The following DOCK2 variants were observed in gnomAD, a reference collection of about 807,000 sequenced individuals.
The protein encoded by DOCK2 is dedicator of cytokinesis protein 2.
In DOCK2, 87 loss-of-function variants were observed where a neutral mutation model predicts 248.9. That is an observed-to-expected ratio of 0.35 (90% CI 0.29 to 0.42). DOCK2 has a LOEUF of 0.42. Ranked by LOEUF, DOCK2 falls within the 10% of genes least tolerant of loss-of-function variation. The pLI is 1.00. For synonymous variants in DOCK2, 805 were observed against 821.6 expected, an observed-to-expected ratio of 0.98 and a Z score of 0.35; for missense variants, 1,747 against 2,300.2, an observed-to-expected ratio of 0.76 and a Z score of 4.92.
At position 169,960,843 on chromosome 5, in the gene DOCK2, T is replaced by C. The variant is rs2113744286; in HGVS notation, c.2800-22225T>C. Among the ~76,000 whole-genome samples, 3 of 152,356 alleles carry C rather than the reference T, an allele frequency of 2.0e-5. 1 individual carries two copies. In the South Asian group the frequency reaches 6.2e-4, roughly 32 times the overall value. On this transcript the variant is annotated intron_variant, in intron 27 of 51. Transcript: ENST00000520908. ...GTGATGAAATCCTACTCTCTTTGCCTAGGATGTGAATCATCCCTTTGTCCA... is the reference window on the plus strand; with the variant it reads ...GTGATGAAATCCTACTCTCTTTGCCCAGGATGTGAATCATCCCTTTGTCCA...
intron 29 of DOCK2, among the ~76,000 whole-genome samples, chr5:169,992,715 G>A (rs1295085338): frequency 1.3e-5 from 2 of 151,970 alleles, no homozygotes; most frequent in African/African-American, 4.8e-5. Context: ...CACCCATCTC[G>A]GCCTCCCAAA....
chr5:170,079,061 A>G lies in DOCK2; in HGVS notation c.5081A>G (p.Lys1694Arg). The G allele has an allele frequency of 6.2e-7, 1 of 1,614,180 alleles. No homozygotes were observed. Among genetic ancestry groups the G allele is most frequent in the South Asian group, 1.1e-5 (1 of 91,082 alleles). ...CCGGGGAGCACCCTGCCTGAGGTCA[A>G]GCTGCGGAGGTCCAAGAAGAGGACA... ...ISPGSTLPEV[K>R]LRRSKKRTKR... The change falls in exon 49 of 52, where the codon AAG (lysine) becomes AGG (arginine). Residue 1694 changes from lysine (K) to arginine (R), a missense_variant. By Grantham distance (26) the Lys-to-Arg change is conservative. Coordinates refer to ENST00000520908, the MANE Select transcript of DOCK2 (RefSeq NM_004946.3).
rs1427635396 is a variant in DOCK2 at position 170,009,175 on chromosome 5, T to G, written c.3232+429T>G. 1.4e-4 allele frequency among the ~76,000 whole-genome samples: 21 copies of G among 152,022 alleles called. 1 individual carries two copies. The highest frequency in any genetic ancestry group is 1.0e-3 in the Admixed American group (16 of 15,264). On this transcript the variant is annotated intron_variant, in intron 32 of 51. Transcript: ENST00000520908. ...GCTCTCTGAAAGATGAGAGGGTCTT[T>G]TTAGCTGAAAAGTGACCCCAGAAGC...
At chr5:169,701,691 A>AT (rs1297053543) in intron 13 of DOCK2, among the ~76,000 whole-genome samples, 2 of 151,630 alleles carry the variant, frequency 1.3e-5, no homozygotes, top group Non-Finnish European at 2.9e-5. Flanking sequence ...ATTTTTTTGT[A>AT]TTTTTTGATA....
chr5:169,842,198 C>T (rs1192475444), intron 27 of DOCK2, among the ~76,000 whole-genome samples: 4 of 152,162 alleles, frequency 2.6e-5, no homozygotes, highest in Non-Finnish European at 5.9e-5. Flanking sequence ...CTTCAGAAAG[C>T]CACCCTGACA....
At chr5:170,025,831 C>CCTTCCTTT (rs1755892995) in intron 33 of DOCK2, among the ~76,000 whole-genome samples, 1 of 121,272 alleles carries the variant, frequency 8.2e-6, no homozygotes, top group Non-Finnish European at 1.7e-5. Flanking sequence ...TTCCTTCCTT[C>CCTTCCTTT]CTTCCTTCCT....
intron 43 of DOCK2, 65 bp downstream of exon 43, chr5:170,056,833 G>A: frequency 2.8e-6 from 4 of 1,449,356 alleles, no homozygotes; most frequent in Non-Finnish European, 3.8e-6. Flanking sequence ...GCATGCATCG[G>A]CCAGCCTCAG....
intron 6 of DOCK2, among the ~76,000 whole-genome samples, chr5:169,675,531 G>A (rs922200638): frequency 6.6e-6 from 1 of 152,186 alleles, no homozygotes; most frequent in Non-Finnish European, 1.5e-5. Context: ...CGATAGCTCA[G>A]GAAGCAAGAG....
intron 34 of DOCK2, among the ~76,000 whole-genome samples, chr5:170,033,484 A>G (rs141693327): frequency 1.6e-4 from 25 of 152,358 alleles, no homozygotes; most frequent in African/African-American, 5.8e-4. Flanking sequence ...TTTGGTGTCT[A>G]TCCTTGCTGA....
intron 23 of DOCK2, among the ~76,000 whole-genome samples, chr5:169,748,242 C>T (rs1361434249): frequency 6.6e-6 from 1 of 151,806 alleles, no homozygotes; most frequent in Non-Finnish European, 1.5e-5. Context: ...TGCCCAGGCA[C>T]TGGTTAGAAT....
intron 27 of DOCK2, among the ~76,000 whole-genome samples, chr5:169,908,738 C>A (rs1383529588): frequency 5.4e-5 from 7 of 130,400 alleles, no homozygotes; most frequent in Non-Finnish European, 1.1e-4. Flanking sequence ...TTTTTGAGAC[C>A]GAGTCTCACT....
intron 27 of DOCK2, among the ~76,000 whole-genome samples, chr5:169,888,502 G>A (rs911345945): frequency 6.6e-6 from 1 of 152,176 alleles, no homozygotes; most frequent in Admixed American, 6.5e-5. Flanking sequence ...TGGTCCTCAT[G>A]GAATCAGTGT....
chr5:170,062,473 G>A (rs988130442), intron 44 of DOCK2, among the ~76,000 whole-genome samples: 1 of 152,066 alleles, frequency 6.6e-6, no homozygotes, highest in Non-Finnish European at 1.5e-5. Flanking sequence ...GCACACTCAG[G>A]CATGCACCCT....
intron 28 of DOCK2, among the ~76,000 whole-genome samples, chr5:169,984,447 C>T (rs1018746438): frequency 6.6e-6 from 1 of 152,178 alleles, no homozygotes; most frequent in Non-Finnish European, 1.5e-5. Context: ...TGCACTTAAT[C>T]GTCACAGTCA....
intron 33 of DOCK2, among the ~76,000 whole-genome samples, chr5:170,026,040 T>A (rs1755903541): frequency 6.6e-6 from 1 of 152,032 alleles, no homozygotes; most frequent in African/African-American, 2.4e-5. Context: ...CTTCAATAAG[T>A]CTTCCCCAAC....
intron 25 of DOCK2, among the ~76,000 whole-genome samples, chr5:169,797,343 T>A (rs1766715371): frequency 6.6e-6 from 1 of 152,192 alleles, no homozygotes; most frequent in African/African-American, 2.4e-5. Context: ...GACAAAGAAT[T>A]TTCATTTAGT....
chr5:170,083,356 T>TA lies in DOCK2; in HGVS notation c.*504dup, dbSNP rs1349235495. 1 of 152,808 alleles carries TA rather than the reference T, an allele frequency of 6.5e-6. No homozygotes were observed. Among genetic ancestry groups the TA allele is most frequent in the African/African-American group, 2.4e-5 (1 of 41,442 alleles). The allele number at this position is 152,808 out of a possible 1,614,324, so 9.5% of individuals were successfully genotyped here. The stretch of plus-strand genomic sequence containing the variant: ...AAGAGTTGCTGTTTCTTACTGACAA[T>TA]AAAAAATGTTCTCTTGGTTCGAATA... On this transcript the variant is annotated 3_prime_UTR_variant, in exon 52 of 52. Coordinates refer to ENST00000520908, the MANE Select transcript of DOCK2 (RefSeq NM_004946.3).
rs555497492 is a variant in DOCK2, at chr5:170,019,048, C to T, written c.3321C>T (p.Thr1107=). Reference sequence around the variant, plus strand: ...CTGAGGCTGAGCTCCGGAAAGCCACCATACCAATCTTCTTCGACATGATGC... The same window carrying T: ...CTGAGGCTGAGCTCCGGAAAGCCACTATACCAATCTTCTTCGACATGATGC... ...LIPEAELRKA[T]IPIFFDMMLC... The change falls in exon 33 of 52, where the codon ACC becomes ACT. Residue 1107 remains threonine (T), a synonymous_variant. Transcript: ENST00000520908. The T allele has an allele frequency of 6.2e-7, 1 of 1,614,074 alleles. No homozygotes were observed. Among genetic ancestry groups the T allele is most frequent in the Admixed American group, 1.7e-5 (1 of 60,006 alleles).
rs549402032 is a variant in DOCK2, at chr5:169,927,822, T to A, written c.2800-55246T>A. Among the ~76,000 whole-genome samples the A allele has an allele frequency of 1.8e-4, 27 of 152,292 alleles. 1 individual carries two copies. The South Asian group carries it at 5.6e-3, about 32-fold the overall frequency. On this transcript the variant is annotated intron_variant, in intron 27 of 51. Coordinates refer to ENST00000520908, the MANE Select transcript of DOCK2 (RefSeq NM_004946.3). ...TAGTAGAGATGGGGTTTCACTGTGT[T>A]AGCCAGGATGGTCTCAATCTCCTGA...
Sources: gnomAD v4.1 joint callset for allele counts (sites outside exome capture counted in the v4.1 genomes callset) on GRCh38, gnomAD v4.1.1 for gene constraint, MANE v1.5 for transcripts, NCBI Gene and HGNC (gene_info 2026-07-23, HGNC 2026-07-21) for gene names.